Variants in EIF3K observed in about 807,000 individuals in gnomAD.
EIF3K encodes eIF-3 p28.
A neutral mutation model predicts 34.2 loss-of-function variants in EIF3K; 27 were observed. That is an observed-to-expected ratio of 0.79 (90% CI 0.58 to 1.09). The LOEUF (loss-of-function observed/expected upper bound fraction) is 1.09. EIF3K is among the 50% of genes least tolerant of loss of function. EIF3K has a pLI of 0.00. For synonymous variants in EIF3K, 105 were observed against 105.7 expected (o/e 0.99, Z 0.04); for missense variants, 232 against 275.4 (o/e 0.84, Z 1.11).
chr19:38,627,690 T>A (rs1386456420), intron 4 of EIF3K, among the ~76,000 whole-genome samples: 2 of 150,434 alleles, frequency 1.3e-5, no homozygotes, highest in Admixed American at 6.6e-5. Flanking sequence ...AAAAAAAAAA[T>A]TCAGCTCCTT....
chr19:38,633,131 G>A (rs1489050709), intron 6 of EIF3K, among the ~76,000 whole-genome samples: 1 of 152,132 alleles, frequency 6.6e-6, no homozygotes, highest in Non-Finnish European at 1.5e-5. Flanking sequence ...GCCCTGACTT[G>A]TAACGTTCAT....
At chr19:38,626,840 G>A (rs1407377587) in intron 4 of EIF3K, among the ~76,000 whole-genome samples, 3 of 151,906 alleles carry the variant, frequency 2.0e-5, no homozygotes, top group East Asian at 1.9e-4. Flanking sequence ...GGAGTCTCAC[G>A]CCATTGCCTA....
At chr19:38,632,398 A>G (rs1408004356) in intron 4 of EIF3K, 32 bp from the exon 5 acceptor site, 1 of 1,596,698 alleles carries the variant, frequency 6.3e-7, no homozygotes, top group Non-Finnish European at 8.6e-7. Flanking sequence ...ATTTAAAAGA[A>G]TAAACATTGT....
In EIF3K at chr19:38,635,093, C is replaced by T. The variant is rs201743234; in HGVS notation, c.600C>T (p.Asn200=). 20 of 1,614,098 alleles carry T rather than the reference C, an allele frequency of 1.2e-5. 1 individual carries two copies. The Middle Eastern group carries it at 4.9e-4, about 40-fold the overall frequency. The part of the protein sequence containing the change: ...CSQEESIKPK[N]IVEKIDFDSV... The stretch of plus-strand genomic sequence containing the variant: ...AAGAAGAGAGCATTAAACCCAAGAA[C>T]ATTGTGGAGAAGATTGACTTTGACA... Residue 200 remains asparagine, a synonymous_variant, in exon 7 of 8, where the codon AAC becomes AAT. Transcript: ENST00000248342.
At chr19:38,631,036 CCT>C (rs920157588) in intron 4 of EIF3K, 1 of 152,272 alleles carries the variant, frequency 6.6e-6, no homozygotes, top group African/African-American at 2.4e-5. Context: ...GTCTCGAACT[CCT>C]GACCTCAAGT....
intron 6 of EIF3K, 70 bp downstream of exon 6, chr19:38,632,748 C>T: frequency 7.0e-7 from 1 of 1,419,056 alleles, no homozygotes; most frequent in South Asian, 1.3e-5. Flanking sequence ...CCTCAGTCAG[C>T]TCCTCCAACA....
intron 1 of EIF3K, among the ~76,000 whole-genome samples, chr19:38,619,573 G>T (rs1373056224): frequency 6.6e-6 from 1 of 152,146 alleles, no homozygotes; most frequent in African/African-American, 2.4e-5. Flanking sequence ...ACCAGCCTGG[G>T]CAACAGCCAA....
At position 38,620,141 on chromosome 19, in the gene EIF3K, C is replaced by T. The variant is rs1036876421; in HGVS notation, c.60-196C>T. 2.0e-4 allele frequency among the ~76,000 whole-genome samples: 30 copies of T among 152,026 alleles called. 2 individuals carry two copies. Among genetic ancestry groups the T allele is most frequent in the African/African-American group, 6.5e-4 (27 of 41,372 alleles). On this transcript the variant is annotated intron_variant, in intron 1 of 7. Coordinates refer to ENST00000248342, the MANE Select transcript of EIF3K (RefSeq NM_013234.4). ...GCTCCAGTGGAGTTTAGAGCTTAGG[C>T]GAGAGGTCTGGGATAAGAATAAGTT...
intron 4 of EIF3K, among the ~76,000 whole-genome samples, chr19:38,626,996 G>A (rs1975963968): frequency 6.6e-6 from 1 of 151,864 alleles, no homozygotes; most frequent in Admixed American, 6.6e-5. Flanking sequence ...ATTTTATTTT[G>A]TTTTATTTTT....
intron 4 of EIF3K, chr19:38,631,892 A>G (rs1238431175): frequency 9.1e-6 from 2 of 220,478 alleles, no homozygotes; most frequent in Non-Finnish European, 1.7e-5. Context: ...CTGTTTAACA[A>G]AGCACATCCT....
At position 38,631,920 on chromosome 19, in the gene EIF3K, T is replaced by C. The variant is rs183420797; in HGVS notation, c.355-510T>C. ...CACATCCTGCACCGCCCTTAATCCA[T>C]TTAACCCTGAGTTGACCCAGCACAT... On this transcript the variant is annotated intron_variant, in intron 4 of 7. Coordinates refer to ENST00000248342, the MANE Select transcript of EIF3K (RefSeq NM_013234.4). 2.4e-3 allele frequency: 530 copies of C among 220,378 alleles called. 5 individuals are homozygous for C. The highest frequency in any genetic ancestry group is 0.011 in the African/African-American group (478 of 42,298). The allele number at this position is 220,378 out of a possible 1,614,324, so 13.7% of individuals were successfully genotyped here.
chr19:38,634,469 A>G (rs1454767046), intron 6 of EIF3K, among the ~76,000 whole-genome samples: 2 of 151,364 alleles, frequency 1.3e-5, no homozygotes, highest in East Asian at 4.0e-4. Context: ...GTGGTGGCGC[A>G]TGCCTATAAT....
intron 2 of EIF3K, among the ~76,000 whole-genome samples, 174 bp from the exon 3 acceptor site, chr19:38,623,903 A>T (rs556605881): frequency 1.3e-5 from 2 of 152,250 alleles, no homozygotes; most frequent in South Asian, 4.1e-4. Flanking sequence ...TTCACAGAGG[A>T]GAAAGGTAGG....
At chr19:38,632,323 C>T (rs1044366727) in intron 4 of EIF3K, 107 bp from the exon 5 acceptor site, 20 of 1,088,116 alleles carry the variant, frequency 1.8e-5, no homozygotes, top group Admixed American at 4.1e-5. Flanking sequence ...CCCAGAAATT[C>T]AAGACCAGCC....
Position 38,633,500 on chromosome 19 carries a change from C to A in EIF3K, c.499+822C>A, listed in dbSNP as rs145749592. Among the ~76,000 whole-genome samples, 754 of 152,140 alleles carry A rather than the reference C, an allele frequency of 5.0e-3. 3 individuals are homozygous for A. Among genetic ancestry groups the A allele is most frequent in the African/African-American group, 0.017 (719 of 41,494 alleles). On this transcript the variant is annotated intron_variant, in intron 6 of 7. Coordinates refer to ENST00000248342, the MANE Select transcript of EIF3K (RefSeq NM_013234.4). ...ATCATCTGTGGTCAGGAGTTCGAGACCAGCCTGCCCAACATGGTAAAACCC... is the reference window on the plus strand; with the variant it reads ...ATCATCTGTGGTCAGGAGTTCGAGAACAGCCTGCCCAACATGGTAAAACCC...
intron 2 of EIF3K, among the ~76,000 whole-genome samples, chr19:38,621,184 A>G (rs1194842870): frequency 2.7e-5 from 4 of 149,644 alleles, no homozygotes; most frequent in Non-Finnish European, 5.9e-5. Flanking sequence ...GGACAGAGTG[A>G]GACCCCTCTT....
chr19:38,631,180 G>C (rs1040784198), intron 4 of EIF3K, among the ~76,000 whole-genome samples: 3 of 152,184 alleles, frequency 2.0e-5, no homozygotes. Flanking sequence ...AGTGTTTCTC[G>C]TTAGGTGGAA....
At chr19:38,632,347 G>A in intron 4 of EIF3K, 83 bp from the exon 5 acceptor site, 1 of 1,361,558 alleles carries the variant, frequency 7.3e-7, no homozygotes, top group South Asian at 1.2e-5. Context: ...GCAACGTAGT[G>A]AGACCCCATC....
At chr19:38,619,372 G>A (rs1975785077) in intron 1 of EIF3K, 45 bp downstream of exon 1, 3 of 1,608,580 alleles carry the variant, frequency 1.9e-6, no homozygotes, top group East Asian at 2.2e-5. Context: ...GCGGGGCGGA[G>A]GAGAGGGTTT....
Sources: gnomAD v4.1 joint callset for allele counts (sites outside exome capture counted in the v4.1 genomes callset) on GRCh38, gnomAD v4.1.1 for gene constraint, MANE v1.5 for transcripts, NCBI Gene and HGNC (gene_info 2026-07-23, HGNC 2026-07-21) for gene names.